Variants in ROBO2 observed in about 807,000 individuals in gnomAD.
ROBO2 encodes the protein roundabout guidance receptor 2.
In ROBO2, 53 loss-of-function variants were observed where a neutral mutation model predicts 160.8. That is an observed-to-expected ratio of 0.33 (90% CI 0.26 to 0.41). The LOEUF is 0.41. Ranked by LOEUF, ROBO2 falls within the 10% of genes least tolerant of loss-of-function variation. The probability of loss-of-function intolerance (pLI) is 1.00; values close to 1 mark genes in which losing one functional copy is unlikely to be tolerated. For missense variants in ROBO2, 1,577 were observed against 1,722.4 expected, an observed-to-expected ratio of 0.92 and a Z score of 1.49; for synonymous variants, 664 against 611.7, an observed-to-expected ratio of 1.09 and a Z score of -1.26.
At chr3:76,291,171 C>T (rs991707206) in intron 2 of ROBO2, among the ~76,000 whole-genome samples, 1 of 152,004 alleles carries the variant, frequency 6.6e-6, no homozygotes, top group African/African-American at 2.4e-5. Context: ...TCATGTAGTC[C>T]AGGGCTTTTT....
chr3:76,546,152 G>C (rs1358505510), intron 2 of ROBO2, among the ~76,000 whole-genome samples: 1 of 151,828 alleles, frequency 6.6e-6, no homozygotes, highest in Non-Finnish European at 1.5e-5. Flanking sequence ...AGTGGTCCGT[G>C]TGCAAAGCTA....
chr3:77,267,899 T>C (rs2059241207), intron 2 of ROBO2, among the ~76,000 whole-genome samples: 1 of 152,162 alleles, frequency 6.6e-6, no homozygotes, highest in South Asian at 2.1e-4. Context: ...AATCTCCAAC[T>C]AATGGCTCAC....
chr3:76,133,900 GAC>G (rs144265378), intron 2 of ROBO2, among the ~76,000 whole-genome samples: 3,597 of 152,078 alleles, frequency 0.024, 141 homozygotes, highest in African/African-American at 0.073. Context: ...CGCCCTCACA[GAC>G]ACACCCAGGA....
chr3:76,873,423 A>G (rs576353179), intron 2 of ROBO2, among the ~76,000 whole-genome samples: 1 of 152,360 alleles, frequency 6.6e-6, no homozygotes, highest in Non-Finnish European at 1.5e-5. Flanking sequence ...GTTTAAATTT[A>G]CAACATCTTA....
chr3:77,329,693 A>C (rs906869058), intron 2 of ROBO2, among the ~76,000 whole-genome samples: 1 of 152,148 alleles, frequency 6.6e-6, no homozygotes, highest in Non-Finnish European at 1.5e-5. Flanking sequence ...TATACTTCCC[A>C]CAGTGCTTAG....
intron 2 of ROBO2, among the ~76,000 whole-genome samples, chr3:77,100,956 T>C (rs28585058): frequency 0.08 from 12,215 of 152,190 alleles, 628 homozygotes; most frequent in African/African-American, 0.14. Flanking sequence ...AATGGAAGCT[T>C]AAATGAACAC....
intron 1 of ROBO2, among the ~76,000 whole-genome samples, chr3:77,064,599 G>A (rs1269633574): frequency 6.6e-6 from 1 of 150,628 alleles, no homozygotes; most frequent in Non-Finnish European, 1.5e-5. Context: ...GACCTCAAAT[G>A]ATCTACACTC....
intron 2 of ROBO2, chr3:77,316,731 A>G: frequency 1.1e-6 from 1 of 912,948 alleles, no homozygotes; most frequent in Non-Finnish European, 1.8e-6. Context: ...AGTTTAAATT[A>G]AACAATTGTA....
intron 2 of ROBO2, among the ~76,000 whole-genome samples, chr3:76,918,931 T>C (rs1166999): frequency 0.47 from 70,748 of 151,808 alleles, 16,988 homozygotes; most frequent in African/African-American, 0.59. Flanking sequence ...ATGTTGAGCT[T>C]TTTTTCATAT....
chr3:77,329,888 C>T (rs2065810929), intron 2 of ROBO2, among the ~76,000 whole-genome samples: 1 of 152,104 alleles, frequency 6.6e-6, no homozygotes, highest in Non-Finnish European at 1.5e-5. Context: ...GTATTTGGCA[C>T]AGATTATCTC....
At chr3:76,535,695 A>G (rs1278811096) in intron 2 of ROBO2, among the ~76,000 whole-genome samples, 1 of 152,154 alleles carries the variant, frequency 6.6e-6, no homozygotes, top group East Asian at 1.9e-4. Flanking sequence ...AGTTGACACC[A>G]GAGTGGGGGA....
intron 2 of ROBO2, among the ~76,000 whole-genome samples, chr3:75,966,811 C>A (rs1949133111): frequency 6.6e-6 from 1 of 151,686 alleles, no homozygotes; most frequent in African/African-American, 2.4e-5. Flanking sequence ...CTATTCCACT[C>A]TATAATTTCT....
chr3:76,693,282 A>AGT (rs1480544448), intron 2 of ROBO2, among the ~76,000 whole-genome samples: 1 of 149,790 alleles, frequency 6.7e-6, no homozygotes, highest in Non-Finnish European at 1.5e-5. Flanking sequence ...CTCTATATAT[A>AGT]GTGTGTATCT....
At chr3:77,065,470 C>A (rs1262715229) in intron 1 of ROBO2, among the ~76,000 whole-genome samples, 1 of 151,966 alleles carries the variant, frequency 6.6e-6, no homozygotes, top group Non-Finnish European at 1.5e-5. Flanking sequence ...TTCTTGTGAC[C>A]TATTTTCAAA....
At position 75,919,038 on chromosome 3, in the gene ROBO2, T is replaced by C. The variant is rs555583029; in HGVS notation, c.-14+12078T>C. ...TTTGCATACCTTTTATTTCTTTCTC[T>C]TGCTTGATTGCCCTGGCCAGAACTT... On this transcript the variant is annotated intron_variant, in intron 1 of 26. Coordinates refer to the ROBO2 transcript ENST00000487694. Among the ~76,000 whole-genome samples, 19 of 152,206 alleles carry C rather than the reference T, an allele frequency of 1.2e-4. No homozygotes were observed. In the East Asian group the frequency reaches 3.7e-3, roughly 29 times the overall value.
intron 2 of ROBO2, among the ~76,000 whole-genome samples, chr3:77,304,293 G>A (rs1899374): frequency 0.31 from 46,898 of 152,094 alleles, 8,706 homozygotes; most frequent in Middle Eastern, 0.46. Context: ...AACAAAAAAA[G>A]CTCAGCAGAA....
chr3:77,423,378 A>G (rs2077889326), intron 2 of ROBO2, among the ~76,000 whole-genome samples: 1 of 152,174 alleles, frequency 6.6e-6, no homozygotes, highest in South Asian at 2.1e-4. Flanking sequence ...ATTTCCCATG[A>G]ATGTGAAATA....
At chr3:77,579,102 CCTA>C (rs2153674105) in intron 15 of ROBO2, among the ~76,000 whole-genome samples, 1 of 152,170 alleles carries the variant, frequency 6.6e-6, no homozygotes, top group Admixed American at 6.5e-5. Context: ...CATATGTTTT[CCTA>C]CATATGTGTC....
intron 2 of ROBO2, among the ~76,000 whole-genome samples, chr3:76,694,625 T>C (rs897507135): frequency 2.6e-5 from 4 of 152,056 alleles, no homozygotes; most frequent in East Asian, 1.9e-4. Context: ...TCCTATCTTG[T>C]AAAAAAAGGG....
Sources: allele counts gnomAD v4.1 joint callset (sites outside exome capture counted in the v4.1 genomes callset), GRCh38; gene constraint gnomAD v4.1.1; transcripts MANE v1.5; gene names NCBI Gene and HGNC (gene_info 2026-07-23, HGNC 2026-07-21).